Variants in MIB2 observed in about 807,000 individuals in gnomAD.
MIB2 encodes the protein E3 ubiquitin-protein ligase MIB2.
Under a neutral mutation model 96.6 loss-of-function variants are expected in MIB2, and 78 were observed. That is an observed-to-expected ratio of 0.81 (90% CI 0.67 to 0.97). The LOEUF is 0.97. Among genes scored for constraint, MIB2 ranks in the 50% least tolerant of loss-of-function variants. The pLI is 0.00. For synonymous variants in MIB2, 820 were observed against 629.5 expected (o/e 1.30, Z -4.53); for missense variants, 1,543 against 1,424.0 (o/e 1.08, Z -1.35).
Position 1,623,789 on chromosome 1 carries a change from A to C in MIB2, c.263A>C (p.Asn88Thr). ...CCACCCCCAGGCGTCCGGCACCCCA[A>C]CATCATCTGTGACTGCTGCAAGAAG... ...DNAQIGVRHP[N>T]IICDCCKKHG... Residue 88 changes from asparagine (N) to threonine (T), a missense_variant, in exon 4 of 20, where the codon AAC (asparagine) becomes ACC (threonine). By Grantham distance (65) the Asn-to-Thr change is moderately conservative. Coordinates refer to ENST00000355826, the MANE Select transcript of MIB2 (RefSeq NM_001170687.4). 7 of 1,605,350 alleles carry C rather than the reference A, an allele frequency of 4.4e-6. No individual in the cohort carries two copies. The highest frequency in any genetic ancestry group is 5.9e-6 in the Non-Finnish European group (7 of 1,176,714).
chr1:1,616,602 G>C lies in MIB2; in HGVS notation c.-35G>C, dbSNP rs1328495944. ...CTCAAGGCGGCCCGGCGGGCGACTGGACGGCCGGACAGGTGAGCTCTTGAT... is the reference window on the plus strand; with the variant it reads ...CTCAAGGCGGCCCGGCGGGCGACTGCACGGCCGGACAGGTGAGCTCTTGAT... On this transcript the variant is annotated 5_prime_UTR_variant, in exon 2 of 20. Coordinates refer to ENST00000355826, the MANE Select transcript of MIB2 (RefSeq NM_001170687.4). 1 of 1,594,936 alleles carries C rather than the reference G, an allele frequency of 6.3e-7. No homozygotes were observed. The highest frequency in any genetic ancestry group is 1.7e-5 in the Admixed American group (1 of 58,558).
intron 2 of MIB2, chr1:1,617,854 C>T (rs1187842701): frequency 5.3e-5 from 8 of 152,354 alleles, no homozygotes; most frequent in Middle Eastern, 6.8e-3. Context: ...AGCCTGTGAA[C>T]TGTGGGTAGA....
chr1:1,628,002 T>C lies in MIB2; in HGVS notation c.1681-17T>C, dbSNP rs372537678. On this transcript the variant is annotated splice_polypyrimidine_tract_variant and intron_variant, in intron 13 of 19. Transcript: ENST00000355826. ...GCAGAAGTCACCCCCAGGTGACCAC[T>C]GACTCCGCCCCAGCAGGACGCCCAC... The C allele has an allele frequency of 1.3e-4, 206 of 1,611,630 alleles. No individual in the cohort carries two copies. Among genetic ancestry groups the C allele is most frequent in the Non-Finnish European group, 1.7e-4 (198 of 1,179,168 alleles).
chr1:1,616,386 G>A (rs909152175), intron 1 of MIB2, 122 bp from the exon 2 acceptor site: 3 of 716,032 alleles, frequency 4.2e-6, no homozygotes, highest in Non-Finnish European at 4.4e-6. Context: ...CGGCGGCCCT[G>A]AGTGTCGCGG....
rs369501614 is a variant in MIB2 at position 1,625,443 on chromosome 1, C to T, written c.864+15C>T. On this transcript the variant is annotated intron_variant, in intron 7 of 19. Transcript: ENST00000355826. This position sits in a 1 kb window ranked among gnomAD's most constrained non-coding sequence, Gnocchi z 5.0. ...GGATGGCGGAGGTGAGCCGCCCCGCCGTGGAGCCCTGTGTGCCCTGCCCTC... is the reference window on the plus strand; with the variant it reads ...GGATGGCGGAGGTGAGCCGCCCCGCTGTGGAGCCCTGTGTGCCCTGCCCTC... The T allele has an allele frequency of 3.8e-5, 59 of 1,563,590 alleles. No individual in the cohort carries two copies. The African/African-American group carries it at 5.2e-4, about 14-fold the overall frequency.
chr1:1,624,624 G>C (rs1016616529), intron 4 of MIB2, 171 bp from the exon 5 acceptor site: 3 of 692,508 alleles, frequency 4.3e-6, no homozygotes, highest in Non-Finnish European at 7.7e-6. Context: ...ACAGCGTGTG[G>C]AGGATGCTGA....
At chr1:1,630,039 C>T (rs1362920249) in intron 19 of MIB2, among the ~76,000 whole-genome samples, 1 of 148,822 alleles carries the variant, frequency 6.7e-6, no homozygotes, top group African/African-American at 2.5e-5. Context: ...CATCACACCC[C>T]GGCCCAGCTC....
intron 2 of MIB2, among the ~76,000 whole-genome samples, chr1:1,621,277 C>T (rs981344884): frequency 7.9e-5 from 12 of 152,298 alleles, no homozygotes; most frequent in Middle Eastern, 3.4e-3. Context: ...GCGGGGCCTC[C>T]GAGGGCAAGG....
rs969933802 is a variant in MIB2, at chr1:1,626,139, C to G, written c.972+486C>G. 20 of 197,458 alleles carry G rather than the reference C, an allele frequency of 1.0e-4. No individual in the cohort carries two copies. Among genetic ancestry groups the G allele is most frequent in the Non-Finnish European group, 2.0e-4 (19 of 96,834 alleles). 12.2% of individuals were successfully genotyped at this position (197,458 alleles called of 1,614,324 possible). On this transcript the variant is annotated intron_variant, in intron 8 of 19. Transcript: ENST00000355826. The surrounding 1 kb of genome is among the most constrained non-coding windows in gnomAD (Gnocchi z 5.3). ...TTGGATGGCCCTGGGAGGGGCAGGC[C>G]CGGGGCAAAGCGTCAGAGCTCAGCT...
At position 1,625,238 on chromosome 1, in the gene MIB2, C is replaced by A. The variant is rs1193999277; in HGVS notation, c.722-48C>A. 6.2e-7 allele frequency: 1 copy of A among 1,602,450 alleles called. No individual in the cohort carries two copies. The highest frequency in any genetic ancestry group is 8.5e-7 in the Non-Finnish European group (1 of 1,175,276). ...AGCCCTCCTGCCTTGGCTGAAGTCC[C>A]AGAGGGGAGGGGCCGCTGCCTGAGG... On this transcript the variant is annotated intron_variant, in intron 6 of 19. Transcript: ENST00000355826. The surrounding 1 kb of genome is among the most constrained non-coding windows in gnomAD (Gnocchi z 5.0).
At position 1,615,539 on chromosome 1, in the gene MIB2, A is replaced by G. The variant is rs760237867; in HGVS notation, c.-224A>G. On this transcript the variant is annotated 5_prime_UTR_variant, in exon 1 of 20. Transcript: ENST00000355826. ...ACAGTTTCCAGCCGCCGCTCTCCTC[A>G]GTGCCCGGTGGCCCAGGAGGGCCTG... is the stretch of plus-strand genomic sequence containing the variant. The G allele has an allele frequency of 3.3e-6, 5 of 1,534,204 alleles. No homozygotes were observed. The Admixed American group carries it at 7.9e-5, about 24-fold the overall frequency.
In MIB2 at chr1:1,626,703, A is replaced by G. The variant is rs543372609; in HGVS notation, c.1026A>G (p.Thr342=). 6.2e-6 allele frequency: 10 copies of G among 1,601,476 alleles called. No individual in the cohort carries two copies. In the African/African-American group the frequency reaches 1.2e-4, roughly 19 times the overall value. The part of the protein sequence containing the change: ...DVVRVIGDLD[T]VKRLQAGHGE... Reference sequence around the variant, plus strand: ...TCCGGGTCATCGGCGACCTTGACACAGTGAAGCGGCTGCAGGCTGGGCATG... The same window carrying G: ...TCCGGGTCATCGGCGACCTTGACACGGTGAAGCGGCTGCAGGCTGGGCATG... Residue 342 remains threonine (T), a synonymous_variant, in exon 9 of 20, where the codon ACA becomes ACG. Coordinates refer to ENST00000355826, the MANE Select transcript of MIB2 (RefSeq NM_001170687.4). This position sits in a 1 kb window ranked among gnomAD's most constrained non-coding sequence, Gnocchi z 5.3.
At chr1:1,622,061 G>C (rs556426997) in intron 2 of MIB2, among the ~76,000 whole-genome samples, 80 of 152,330 alleles carry the variant, frequency 5.3e-4, no homozygotes, top group Non-Finnish European at 8.8e-4. Flanking sequence ...TGGAGGGCTG[G>C]CCTGTGAGGC....
rs2100460967 is a variant in MIB2, at chr1:1,624,661, A to G, written c.420-134A>G. 2.6e-5 allele frequency: 21 copies of G among 822,180 alleles called. No individual in the cohort carries two copies. In the South Asian group the frequency reaches 3.0e-4, roughly 12 times the overall value. 50.9% of individuals were successfully genotyped at this position (822,180 alleles called of 1,614,324 possible). A position where few individuals can be genotyped will look rare whatever the true frequency, so the allele number is the denominator to read the frequency against. On this transcript the variant is annotated intron_variant, in intron 4 of 19. Transcript: ENST00000355826. ...CTGCTGGACCGGCCATTCCCGGGCA[A>G]GAGCTGGGGCTGCGGAGCCCAGCAG... is the stretch of plus-strand genomic sequence containing the variant.
chr1:1,629,845 G>GA lies in MIB2; in HGVS notation c.2629+141_2629+142insA, dbSNP rs1245457241. ...CCCGCCCTCCCAAGGCTCACACCCG[G>GA]CCCCCCAGCCCCCAGCCCCCAGCCC... On this transcript the variant is annotated intron_variant, in intron 19 of 19. Coordinates refer to ENST00000355826, the MANE Select transcript of MIB2 (RefSeq NM_001170687.4). 4.2e-4 allele frequency: 372 copies of GA among 890,364 alleles called. 2 individuals are homozygous for GA. In the African/African-American group the frequency reaches 6.6e-3, roughly 16 times the overall value. The allele number at this position is 890,364 out of a possible 1,614,324, so 55.2% of individuals were successfully genotyped here.
At chr1:1,615,341 C>T, upstream of MIB2, 2 of 1,394,846 alleles carry the variant, frequency 1.4e-6, no homozygotes, top group East Asian at 2.9e-5. Flanking sequence ...ACTGCGCAGG[C>T]GCCCGGAGGC....
rs1570452767 is a variant in MIB2 at position 1,615,745 on chromosome 1, C to T, written c.-130+112C>T. ...GTTCCCGCTCCCGCTGGCCCAGCAG[C>T]CCCGGGCTGGACTCGGCGTAGGGTC... On this transcript the variant is annotated intron_variant, in intron 1 of 19. Coordinates refer to ENST00000355826, the MANE Select transcript of MIB2 (RefSeq NM_001170687.4). The T allele has an allele frequency of 1.1e-5, 16 of 1,468,272 alleles. No individual in the cohort carries two copies. In the South Asian group the frequency reaches 1.6e-4, roughly 15 times the overall value. 91.0% of individuals were successfully genotyped at this position (1,468,272 alleles called of 1,614,324 possible).
At chr1:1,615,854 C>T (rs1390348074) in intron 1 of MIB2, 43 of 1,191,824 alleles carry the variant, frequency 3.6e-5, no homozygotes, top group Non-Finnish European at 4.1e-5. Context: ...CGCGGGACTC[C>T]AGCTCCCGGC....
upstream of MIB2, chr1:1,615,278 G>T: frequency 7.8e-7 from 1 of 1,275,974 alleles, no homozygotes; most frequent in African/African-American, 1.6e-5. Flanking sequence ...CGAGCGCGAC[G>T]TCGCTCCCAA....
Sources: gnomAD v4.1 joint callset for allele counts (sites outside exome capture counted in the v4.1 genomes callset) on GRCh38, gnomAD v4.1.1 for gene constraint, Gnocchi (gnomAD v3.1) non-coding constraint, MANE v1.5 for transcripts, NCBI Gene and HGNC (gene_info 2026-07-23, HGNC 2026-07-21) for gene names.